The following NINL variants were observed in gnomAD, a reference collection of about 807,000 sequenced individuals.
NINL encodes ninein like.
A neutral mutation model predicts 160.3 loss-of-function variants in NINL; 153 were observed. The ratio of observed to expected loss-of-function variants is 0.95; its 90% CI spans 0.84 to 1.09. NINL has a LOEUF of 1.09. NINL is among the 50% of genes least tolerant of loss of function. The pLI is 0.00. For synonymous variants in NINL, 800 were observed against 734.8 expected (o/e 1.09, Z -1.43); for missense variants, 1,829 against 1,764.0 (o/e 1.04, Z -0.66).
intron 1 of NINL, among the ~76,000 whole-genome samples, chr20:25,574,787 G>A (rs2065095932): frequency 6.6e-6 from 1 of 152,206 alleles, no homozygotes; most frequent in Admixed American, 6.5e-5. Flanking sequence ...ATCCTTGAGT[G>A]TAGATGTGGG....
At position 25,477,056 on chromosome 20, in the gene NINL, C is replaced by G. The variant is rs116865560; in HGVS notation, c.2235G>C (p.Leu745=). Residue 745 remains leucine, a synonymous_variant, in exon 17 of 24, where the codon CTG becomes CTC. Coordinates refer to ENST00000278886, the MANE Select transcript of NINL (RefSeq NM_025176.6). ...GAGCGGGCAGGGCTCCCAGCCCCGA[C>G]AGCTCTCCACTCAGCTCCGCCTCAG... ...REAEAELSGE[L]SGLGALPARR... 6.3e-7 allele frequency: 1 copy of G among 1,598,126 alleles called. No individual in the cohort carries two copies. The highest frequency in any genetic ancestry group is 8.5e-7 in the Non-Finnish European group (1 of 1,179,420).
rs758181445 is a variant in NINL at position 25,526,564 on chromosome 20, A to T, written c.24T>A (p.Tyr8Ter). The change falls in exon 2 of 24, where the codon TAT becomes TAA. Residue 8 changes from tyrosine to a stop codon, truncating the protein, a stop_gained. Transcript: ENST00000278886. LOFTEE classifies it high-confidence loss of function. Reference sequence around the variant, plus strand: ...TGTAGACTTCCCTGAGCTGCGAGACATAGTGGTTCTCTTCTTCATCCATCC... The same window carrying T: ...TGTAGACTTCCCTGAGCTGCGAGACTTAGTGGTTCTCTTCTTCATCCATCC... Reference protein sequence around the residue: MDEEENHYVSQLREVYSS... With the variant: MDEEENH 6.2e-7 allele frequency: 1 copy of T among 1,614,020 alleles called. No homozygotes were observed. Among genetic ancestry groups the T allele is most frequent in the African/African-American group, 1.3e-5 (1 of 74,932 alleles).
chr20:25,546,260 G>A (rs2064730789), intron 1 of NINL, among the ~76,000 whole-genome samples: 1 of 152,142 alleles, frequency 6.6e-6, no homozygotes, highest in African/African-American at 2.4e-5. Flanking sequence ...TTTTAAGGTT[G>A]AGCAGGTCCA....
rs143226809 is a variant in NINL at position 25,461,621 on chromosome 20, T to C, written c.3597A>G (p.Gln1199=). ...GGCATTCAAGTTCAACTCTAAGTTT[T>C]TGGATTTGGTCACTCTGTTTTTAAA... ...RSGQQQSDQI[Q]KLRVELECLN... is the part of the protein sequence containing the mutation. The change falls in exon 21 of 24, where the codon CAA becomes CAG. Residue 1199 remains glutamine, a synonymous_variant. Coordinates refer to ENST00000278886, the MANE Select transcript of NINL (RefSeq NM_025176.6). 90 of 1,612,034 alleles carry C rather than the reference T, an allele frequency of 5.6e-5. No homozygotes were observed. Among genetic ancestry groups the C allele is most frequent in the Non-Finnish European group, 7.3e-5 (86 of 1,178,680 alleles).
chr20:25,456,100 G>A (rs1419670943), intron 22 of NINL, among the ~76,000 whole-genome samples: 2 of 151,176 alleles, frequency 1.3e-5, no homozygotes, highest in African/African-American at 2.4e-5. Flanking sequence ...AAAATTAGCT[G>A]GGCGTGGTAG....
intron 1 of NINL, among the ~76,000 whole-genome samples, chr20:25,555,767 C>T (rs887220420): frequency 3.9e-5 from 6 of 152,140 alleles, no homozygotes; most frequent in African/African-American, 9.7e-5. Context: ...TTCCACCTCC[C>T]GGGTTCAAGC....
intron 10 of NINL, among the ~76,000 whole-genome samples, 198 bp downstream of exon 10, chr20:25,496,465 C>T (rs950213142): frequency 6.6e-6 from 1 of 152,220 alleles, no homozygotes; most frequent in African/African-American, 2.4e-5. Flanking sequence ...AGGCACTGCA[C>T]CAACCCCAGG....
chr20:25,507,548 A>T (rs2063987072), intron 5 of NINL, among the ~76,000 whole-genome samples: 1 of 152,188 alleles, frequency 6.6e-6, no homozygotes, highest in African/African-American at 2.4e-5. Flanking sequence ...CACACCACCT[A>T]GCCCAGAGCA....
rs373919214 is a variant in NINL at position 25,482,057 on chromosome 20, C to T, written c.1721G>A (p.Gly574Asp). 6.3e-6 allele frequency: 10 copies of T among 1,598,236 alleles called. No individual in the cohort carries two copies. The African/African-American group carries it at 1.2e-4, about 19-fold the overall frequency. ...GTTCTTGGGCAGCCGCGCCCACAGG[C>T]CTTCCAGCTCAGCTTGCAGCTCATC... ...RNDELQAELE[G>D]LWARLPKNRH... is the part of the protein sequence containing the mutation. The change falls in exon 14 of 24, where the codon GGC (glycine) becomes GAC (aspartate). Residue 574 changes from glycine to aspartate, a missense_variant. Coordinates refer to ENST00000278886, the MANE Select transcript of NINL (RefSeq NM_025176.6).
chr20:25,508,887 G>A (rs774811295), intron 5 of NINL, among the ~76,000 whole-genome samples: 3 of 152,174 alleles, frequency 2.0e-5, no homozygotes, highest in South Asian at 2.1e-4. Flanking sequence ...CAATGCCTCC[G>A]GCCTTCCTCT....
At chr20:25,510,802 C>A in intron 4 of NINL, 62 bp from the exon 5 acceptor site, 1 of 1,277,730 alleles carries the variant, frequency 7.8e-7, no homozygotes, top group Non-Finnish European at 1.1e-6. Context: ...GACGGAGCAC[C>A]GGGAACAAAT....
intron 17 of NINL, among the ~76,000 whole-genome samples, chr20:25,472,324 GAT>G (rs56260321): frequency 0.013 from 1,129 of 83,752 alleles, 6 homozygotes; most frequent in African/African-American, 0.018. Flanking sequence ...GGGAGGAGAG[GAT>G]ATATATATAT....
chr20:25,471,027 G>A (rs1601037296), intron 17 of NINL, among the ~76,000 whole-genome samples: 1 of 151,868 alleles, frequency 6.6e-6, no homozygotes, highest in Non-Finnish European at 1.5e-5. Flanking sequence ...GTATTTTTTT[G>A]TTTTTTCTTT....
intron 13 of NINL, 76 bp from the exon 14 acceptor site, chr20:25,482,176 A>C: frequency 6.6e-7 from 1 of 1,520,766 alleles, no homozygotes; most frequent in Non-Finnish European, 8.8e-7. Flanking sequence ...GCTGGCCTCC[A>C]GGGGGGTCCC....
At chr20:25,467,354 TG>T in intron 19 of NINL, 34 bp downstream of exon 19, 1 of 1,468,578 alleles carries the variant, frequency 6.8e-7, no homozygotes, top group Non-Finnish European at 9.5e-7. Context: ...AAAGGAATGG[TG>T]GCATGAGCTC....
intron 7 of NINL, among the ~76,000 whole-genome samples, chr20:25,503,656 C>T (rs1167419444): frequency 6.6e-6 from 1 of 152,214 alleles, no homozygotes; most frequent in Non-Finnish European, 1.5e-5. Flanking sequence ...CTTCTGTAGT[C>T]CCAGGAGGTG....
chr20:25,530,950 T>A (rs1046116795), intron 1 of NINL, among the ~76,000 whole-genome samples: 1 of 152,176 alleles, frequency 6.6e-6, no homozygotes, highest in East Asian at 1.9e-4. Context: ...ACGAAAATTT[T>A]ATTAGGTGGG....
At chr20:25,496,376 T>C (rs2063752365) in intron 10 of NINL, among the ~76,000 whole-genome samples, 1 of 152,172 alleles carries the variant, frequency 6.6e-6, no homozygotes, top group African/African-American at 2.4e-5. Context: ...GCCGAAAGGC[T>C]TGGCTTATGT....
rs562974146 is a variant in NINL at position 25,476,977 on chromosome 20, C to T, written c.2314G>A (p.Gly772Arg). The change falls in exon 17 of 24, where the codon GGG (glycine) becomes AGG (arginine). Residue 772 changes from glycine (G) to arginine (R), a missense_variant. Gly to Arg is a moderately radical substitution (Grantham distance 125, BLOSUM62 -2). Transcript: ENST00000278886. Reference protein sequence around the residue: ...EEPPQGPLPRGSQRSEQLELE... With the variant: ...EEPPQGPLPRRSQRSEQLELE... ...TCCAGCTGCTCCGACCTCTGGCTCC[C>T]GCGTGGCAGGGGTCCCTGCGGCGGC... The T allele has an allele frequency of 3.7e-5, 60 of 1,606,386 alleles. No individual in the cohort carries two copies. The South Asian group carries it at 5.7e-4, about 15-fold the overall frequency.
Sources: allele counts gnomAD v4.1 joint callset (sites outside exome capture counted in the v4.1 genomes callset), GRCh38; gene constraint gnomAD v4.1.1; transcripts MANE v1.5; gene names NCBI Gene and HGNC (gene_info 2026-07-23, HGNC 2026-07-21).